Variants in ARHGEF3 observed in about 807,000 individuals in gnomAD.
ARHGEF3 encodes the protein 59.8 kDA protein.
Under a neutral mutation model 63.2 loss-of-function variants are expected in ARHGEF3, and 28 were observed. The observed-to-expected ratio is 0.44, with a 90% CI of 0.33 to 0.61. The LOEUF (loss-of-function observed/expected upper bound fraction) is 0.61, where lower values mean the gene tolerates loss of function less well. Among genes scored for constraint, ARHGEF3 ranks in the 20% least tolerant of loss-of-function variants. ARHGEF3 has a pLI of 0.03. For synonymous variants in ARHGEF3, 266 were observed against 254.2 expected (o/e 1.05, Z -0.44); for missense variants, 533 against 659.3 (o/e 0.81, Z 2.10).
At chr3:56,847,654 T>G (rs1432585985) in intron 4 of ARHGEF3, among the ~76,000 whole-genome samples, 1 of 152,172 alleles carries the variant, frequency 6.6e-6, no homozygotes, top group Non-Finnish European at 1.5e-5. Flanking sequence ...CTCGGCTCAC[T>G]GCAACCTTCG....
intron 7 of ARHGEF3, 42 bp from the exon 8 acceptor site, chr3:56,737,397 C>A: frequency 2.0e-6 from 3 of 1,532,292 alleles, no homozygotes; most frequent in Non-Finnish European, 2.7e-6. Context: ...AGGAAAGCAG[C>A]AAACCATTCA....
chr3:57,036,892 AG>A (rs1316926981), intron 1 of ARHGEF3, among the ~76,000 whole-genome samples: 1 of 152,180 alleles, frequency 6.6e-6, no homozygotes, highest in African/African-American at 2.4e-5. Context: ...GCCCTACCAC[AG>A]GCCTGGCCAG....
At chr3:56,869,578 T>A (rs1002738155) in intron 4 of ARHGEF3, among the ~76,000 whole-genome samples, 1 of 152,232 alleles carries the variant, frequency 6.6e-6, no homozygotes, top group Non-Finnish European at 1.5e-5. Context: ...ACATATCTCC[T>A]TCTCTTCACA....
intron 2 of ARHGEF3, among the ~76,000 whole-genome samples, chr3:57,027,728 G>A (rs972348153): frequency 1.6e-4 from 24 of 152,082 alleles, no homozygotes; most frequent in African/African-American, 4.8e-4. Flanking sequence ...ATGTGGTGAC[G>A]CACACCTGTA....
intron 1 of ARHGEF3, among the ~76,000 whole-genome samples, chr3:57,043,410 T>C (rs527566235): frequency 4.6e-5 from 7 of 151,946 alleles, no homozygotes; most frequent in Non-Finnish European, 1.0e-4. Flanking sequence ...CCACAGCGCC[T>C]GGCTGCCACT....
chr3:56,836,350 G>A (rs1277558466), intron 4 of ARHGEF3, among the ~76,000 whole-genome samples: 1 of 152,110 alleles, frequency 6.6e-6, no homozygotes, highest in Admixed American at 6.6e-5. Context: ...TATTCTTTGG[G>A]AAATGGGATA....
At chr3:56,904,613 T>G (rs781554663) in intron 3 of ARHGEF3, among the ~76,000 whole-genome samples, 2 of 152,232 alleles carry the variant, frequency 1.3e-5, no homozygotes, top group Non-Finnish European at 2.9e-5. Flanking sequence ...ACTCTAATGT[T>G]TGGCTGCACA....
intron 3 of ARHGEF3, 92 bp downstream of exon 3, chr3:56,754,889 T>C (rs2034974188): frequency 3.3e-6 from 5 of 1,526,620 alleles, no homozygotes; most frequent in Non-Finnish European, 4.5e-6. Context: ...GAAGAATTGA[T>C]TTGGAGACTA....
At chr3:56,914,150 A>C (rs2041926692) in intron 3 of ARHGEF3, among the ~76,000 whole-genome samples, 1 of 152,234 alleles carries the variant, frequency 6.6e-6, no homozygotes. Flanking sequence ...GGAGTGAGGG[A>C]TAAAAGACTA....
At chr3:57,002,481 A>ATGT (rs1462547287) in intron 2 of ARHGEF3, among the ~76,000 whole-genome samples, 770 of 19,112 alleles carry the variant, frequency 0.04, 76 homozygotes, top group East Asian at 0.17. Flanking sequence ...TATATATGTT[A>ATGT]TATATATATA....
chr3:56,960,372 T>C (rs1343972754), intron 2 of ARHGEF3, among the ~76,000 whole-genome samples: 1 of 152,176 alleles, frequency 6.6e-6, no homozygotes, highest in East Asian at 1.9e-4. Flanking sequence ...TTGTCTGACC[T>C]CAAATACCAT....
rs958672228 is a variant in ARHGEF3 at position 56,801,924 on chromosome 3, G to A, written c.-126C>T. ...GGCGGCGACACGGAGACCGACAGCCGGCTTCTAGCCGGGCAGGACTCGACT... is the reference window on the plus strand; with the variant it reads ...GGCGGCGACACGGAGACCGACAGCCAGCTTCTAGCCGGGCAGGACTCGACT... On this transcript the variant is annotated 5_prime_UTR_variant, in exon 1 of 10. Transcript: ENST00000296315. The A allele has an allele frequency of 2.6e-6, 4 of 1,540,444 alleles. No individual in the cohort carries two copies. The highest frequency in any genetic ancestry group is 2.0e-5 in the Admixed American group (1 of 50,930).
chr3:57,039,566 T>G (rs1241921909), intron 1 of ARHGEF3, among the ~76,000 whole-genome samples: 1 of 152,156 alleles, frequency 6.6e-6, no homozygotes, highest in Non-Finnish European at 1.5e-5. Context: ...GTATCTCCTC[T>G]CATAGCAATG....
intron 2 of ARHGEF3, among the ~76,000 whole-genome samples, chr3:57,014,282 G>C (rs1278626723): frequency 6.6e-6 from 1 of 152,148 alleles, no homozygotes; most frequent in Non-Finnish European, 1.5e-5. Context: ...CACTGTGAGG[G>C]TCCGCGGCTT....
At chr3:56,930,997 GA>G (rs1246780447) in intron 3 of ARHGEF3, among the ~76,000 whole-genome samples, 1 of 151,946 alleles carries the variant, frequency 6.6e-6, no homozygotes, top group East Asian at 1.9e-4. Context: ...TTTAAAAGAA[GA>G]AAAAAATGAC....
Position 56,770,141 on chromosome 3 carries a change from A to G in ARHGEF3, c.204+3568T>C, listed in dbSNP as rs1319810934. ...ATTAAATTAGCATCCAGCCAGGTGC[A>G]GTGGCTCATGTCTGTAATCCCAGCA... On this transcript the variant is annotated intron_variant, in intron 2 of 9. Transcript: ENST00000296315. Among the ~76,000 whole-genome samples, 5 of 152,170 alleles carry G rather than the reference A, an allele frequency of 3.3e-5. No homozygotes were observed. The East Asian group carries it at 9.6e-4, about 29-fold the overall frequency.
intron 2 of ARHGEF3, among the ~76,000 whole-genome samples, chr3:56,968,043 A>AAT (rs1700674241): frequency 6.4e-4 from 3 of 4,710 alleles, no homozygotes; most frequent in Non-Finnish European, 1.1e-3. Context: ...ATATATATAA[A>AAT]ATATATATAA....
intron 1 of ARHGEF3, among the ~76,000 whole-genome samples, chr3:56,774,605 T>C (rs1268909520): frequency 6.6e-6 from 1 of 151,968 alleles, no homozygotes; most frequent in East Asian, 1.9e-4. Flanking sequence ...ATTACATAAA[T>C]AAAAATAACA....
chr3:56,825,768 C>A (rs888683579), intron 4 of ARHGEF3, among the ~76,000 whole-genome samples: 1 of 152,160 alleles, frequency 6.6e-6, no homozygotes. Flanking sequence ...GCTCATACTG[C>A]GGTGCATTCT....
Sources: gnomAD v4.1 joint callset for allele counts (sites outside exome capture counted in the v4.1 genomes callset) on GRCh38, gnomAD v4.1.1 for gene constraint, MANE v1.5 for transcripts, NCBI Gene and HGNC (gene_info 2026-07-23, HGNC 2026-07-21) for gene names.